The following USP7 variants were observed in gnomAD, a reference collection of about 807,000 sequenced individuals.
USP7 encodes ubiquitin specific peptidase 7.
USP7 carries 9 observed loss-of-function variants against 162.9 expected under a neutral mutation model. The ratio of observed to expected loss-of-function variants is 0.06; its 90% confidence interval spans 0.03 to 0.10. The LOEUF is 0.10. Among genes scored for constraint, USP7 ranks in the 10% least tolerant of loss-of-function variants. USP7 has a pLI of 1.00. For missense variants in USP7, 715 were observed against 1,373.7 expected (o/e 0.52, Z 7.58); for synonymous variants, 562 against 475.9 (o/e 1.18, Z -2.35).
chr16:8,954,514 G>A (rs551708772), intron 1 of USP7, among the ~76,000 whole-genome samples: 16 of 152,290 alleles, frequency 1.1e-4, no homozygotes, highest in South Asian at 2.1e-4. Flanking sequence ...CCTGTTAACC[G>A]TAACTCAAAA....
At chr16:8,901,705 A>C (rs896985461) in intron 18 of USP7, among the ~76,000 whole-genome samples, 33 of 152,240 alleles carry the variant, frequency 2.2e-4, no homozygotes, top group African/African-American at 7.7e-4. Context: ...TCGTTCATTT[A>C]TATAGTCTTT....
At chr16:8,909,103 C>G (rs2061903690) in intron 11 of USP7, among the ~76,000 whole-genome samples, 1 of 152,242 alleles carries the variant, frequency 6.6e-6, no homozygotes, top group South Asian at 2.1e-4. Context: ...CCCAACTTCT[C>G]AACAAGCCTT....
chr16:8,921,382 A>C, intron 3 of USP7, 87 bp from the exon 4 acceptor site: 1 of 1,457,140 alleles, frequency 6.9e-7, no homozygotes, highest in Non-Finnish European at 9.3e-7. Context: ...GCACACCAAA[A>C]TTCCCATTTA....
intron 1 of USP7, among the ~76,000 whole-genome samples, chr16:8,954,949 A>T (rs1899723564): frequency 6.6e-6 from 1 of 152,072 alleles, no homozygotes; most frequent in Admixed American, 6.6e-5. Context: ...ACAGAGCGAG[A>T]CTCCATCTCA....
chr16:8,894,776 C>G lies in USP7; in HGVS notation c.3111+8G>C, dbSNP rs112094515. The G allele has an allele frequency of 1.3e-4, 202 of 1,614,276 alleles. 2 individuals carry two copies. In the African/African-American group the frequency reaches 2.1e-3, roughly 17 times the overall value. ...CCGCCAAGCCCCCAGGAGGCCCCAGCTGCACACCTTCTCAAACTCCTTCTC... is the reference window on the plus strand; with the variant it reads ...CCGCCAAGCCCCCAGGAGGCCCCAGGTGCACACCTTCTCAAACTCCTTCTC... On this transcript the variant is annotated splice_region_variant and intron_variant, in intron 29 of 30. Coordinates refer to ENST00000344836, the MANE Select transcript of USP7 (RefSeq NM_003470.3).
chr16:8,897,714 AAAAAAAAAAAAAAT>A (rs1226081814), intron 25 of USP7, among the ~76,000 whole-genome samples: 2 of 42,960 alleles, frequency 4.7e-5, no homozygotes, highest in Non-Finnish European at 9.1e-5. Context: ...AAAAAAAAAA[AAAAAAAAAAAAAAT>A]ATATATATAT....
At chr16:8,959,819 G>A (rs1024632425) in intron 1 of USP7, among the ~76,000 whole-genome samples, 8 of 151,870 alleles carry the variant, frequency 5.3e-5, no homozygotes, top group Admixed American at 1.3e-4. Context: ...CACCACCCCC[G>A]TAACAAAAAA....
At position 8,928,284 on chromosome 16, in the gene USP7, G is replaced by A. The variant is rs151331140; in HGVS notation, c.184+2009C>T. Among the ~76,000 whole-genome samples the A allele has an allele frequency of 2.8e-3, 424 of 152,274 alleles. 2 individuals are homozygous for A. Among genetic ancestry groups the A allele is most frequent in the African/African-American group, 9.4e-3 (391 of 41,536 alleles). ...CAAACTTCTAATGAGGTGCTTCCCA[G>A]ATTGTGTGCCCTAGTCTGAAATGGA... On this transcript the variant is annotated intron_variant, in intron 2 of 30. Coordinates refer to ENST00000344836, the MANE Select transcript of USP7 (RefSeq NM_003470.3).
At chr16:8,912,359 A>T (rs772018844) in intron 10 of USP7, among the ~76,000 whole-genome samples, 12 of 151,922 alleles carry the variant, frequency 7.9e-5, no homozygotes, top group Non-Finnish European at 1.6e-4. Flanking sequence ...GGCTGAAAGG[A>T]GAATTGCTTG....
At chr16:8,915,595 T>C in intron 8 of USP7, 70 bp from the exon 9 acceptor site, 5 of 1,300,196 alleles carry the variant, frequency 3.8e-6, no homozygotes, top group Non-Finnish European at 5.4e-6. Flanking sequence ...ATTTTATAAT[T>C]GACTAGAAAT....
intron 2 of USP7, among the ~76,000 whole-genome samples, chr16:8,926,366 C>T (rs1596385849): frequency 1.3e-5 from 2 of 152,138 alleles, no homozygotes; most frequent in South Asian, 4.1e-4. Context: ...GTAATCCCAG[C>T]TACTTGGGAG....
chr16:8,894,355 C>A (rs1409594803), intron 30 of USP7, among the ~76,000 whole-genome samples, 195 bp downstream of exon 30: 1 of 152,192 alleles, frequency 6.6e-6, no homozygotes, highest in Non-Finnish European at 1.5e-5. Context: ...CCTTGAAGAT[C>A]TCACAGGTTA....
chr16:8,961,504 A>AAG lies in USP7; in HGVS notation c.79+1702_79+1703insCT, dbSNP rs558975663. On this transcript the variant is annotated intron_variant, in intron 1 of 30. Transcript: ENST00000344836. ...CAAAAATCCGTCTCAAAAAAAAAAA[A>AAG]GGGGGGGGGGGGCAAATACCTTGAA... 7.1e-4 allele frequency among the ~76,000 whole-genome samples: 43 copies of AAG among 60,556 alleles called. 2 individuals carry two copies. Among genetic ancestry groups the AAG allele is most frequent in the South Asian group, 2.6e-3 (3 of 1,154 alleles). The allele number at this position is 60,556 out of a possible 152,430, so 39.7% of individuals were successfully genotyped here.
chr16:8,910,532 T>C (rs577088706), intron 11 of USP7, among the ~76,000 whole-genome samples: 1 of 152,154 alleles, frequency 6.6e-6, no homozygotes, highest in African/African-American at 2.4e-5. Flanking sequence ...TCCGGACTGC[T>C]GGATGTGCTT....
At chr16:8,910,631 C>G (rs1209713389) in intron 11 of USP7, 114 bp downstream of exon 11, 1 of 912,464 alleles carries the variant, frequency 1.1e-6, no homozygotes, top group Non-Finnish European at 1.7e-6. Context: ...CTTGTATATT[C>G]TAAATACCAG....
At chr16:8,903,179 C>T in intron 16 of USP7, 89 bp downstream of exon 16, 1 of 1,527,848 alleles carries the variant, frequency 6.5e-7, no homozygotes, top group Non-Finnish European at 8.9e-7. Flanking sequence ...AGCACCTACC[C>T]CCAAAGGCAA....
At chr16:8,930,435 T>A in intron 1 of USP7, 38 bp from the exon 2 acceptor site, 1 of 1,513,178 alleles carries the variant, frequency 6.6e-7, no homozygotes, top group Non-Finnish European at 9.1e-7. Context: ...GGTTTTACAT[T>A]CATGGCTTTA....
intron 20 of USP7, 53 bp downstream of exon 20, chr16:8,900,937 C>A (rs1040172748): frequency 2.7e-5 from 43 of 1,577,124 alleles, no homozygotes; most frequent in Non-Finnish European, 3.7e-5. Flanking sequence ...CAAACAAAAC[C>A]CTCCACAAAC....
intron 1 of USP7, among the ~76,000 whole-genome samples, chr16:8,958,438 C>G (rs1289744128): frequency 6.6e-6 from 1 of 152,218 alleles, no homozygotes; most frequent in African/African-American, 2.4e-5. Flanking sequence ...TTCAGCAAGG[C>G]AGTGACGGAC....
Sources: gnomAD v4.1 joint callset for allele counts (sites outside exome capture counted in the v4.1 genomes callset) on GRCh38, gnomAD v4.1.1 for gene constraint, MANE v1.5 for transcripts, NCBI Gene and HGNC (gene_info 2026-07-23, HGNC 2026-07-21) for gene names.